The following MMP24 variants were observed in gnomAD, a reference collection of about 807,000 sequenced individuals.
The protein encoded by MMP24 is matrix metallopeptidase 24.
A neutral mutation model predicts 62.8 loss-of-function variants in MMP24; 25 were observed. The ratio of observed to expected loss-of-function variants is 0.40; its 90% CI spans 0.29 to 0.56. MMP24 has a LOEUF of 0.56. Ranked by LOEUF, MMP24 falls within the 20% of genes least tolerant of loss-of-function variation. MMP24 has a pLI of 0.50. For synonymous variants in MMP24, 319 were observed against 350.5 expected, an observed-to-expected ratio of 0.91 and a Z score of 1.00; for missense variants, 634 against 853.6, an observed-to-expected ratio of 0.74 and a Z score of 3.21.
Position 35,276,952 on chromosome 20 carries a change from T to C in MMP24, c.*2343T>C, listed in dbSNP as rs1482236139. Reference sequence around the variant, plus strand: ...AGTCACATTTTAAACTGATCAGCCTTTGTATAATGTTTTTTAAATCATTTC... The same window carrying C: ...AGTCACATTTTAAACTGATCAGCCTCTGTATAATGTTTTTTAAATCATTTC... On this transcript the variant is annotated 3_prime_UTR_variant, in exon 9 of 9. Coordinates refer to ENST00000246186, the MANE Select transcript of MMP24 (RefSeq NM_006690.4). The C allele has an allele frequency of 6.6e-6, 1 of 152,668 alleles. No homozygotes were observed. Among genetic ancestry groups the C allele is most frequent in the East Asian group, 1.9e-4 (1 of 5,200 alleles). The allele number at this position is 152,668 out of a possible 1,614,324, so 9.5% of individuals were successfully genotyped here.
rs1165576730 is a variant in MMP24 at position 35,226,927 on chromosome 20, AGCGGTG to A, written c.205_210del (p.Val69_Ala70del). ...CGGCGGCGGGGGCAGGGAACCGGGCAGCGGTGGCGGTGGCGGTGGCGCGGGCGGACG... is the reference window on the plus strand; with the variant it reads ...CGGCGGCGGGGGCAGGGAACCGGGCAGCGGTGGCGGTGGCGCGGGCGGACG... On this transcript the variant is annotated inframe_deletion, in exon 1 of 9. Transcript: ENST00000246186. 16 of 979,428 alleles carry A rather than the reference AGCGGTG, an allele frequency of 1.6e-5. No individual in the cohort carries two copies. Among genetic ancestry groups the A allele is most frequent in the Non-Finnish European group, 1.9e-5 (16 of 828,136 alleles). 60.7% of individuals were successfully genotyped at this position (979,428 alleles called of 1,614,324 possible).
rs1260346363 is a variant in MMP24 at position 35,269,045 on chromosome 20, G to C, written c.1195-715G>C. On this transcript the variant is annotated intron_variant, in intron 6 of 8. Transcript: ENST00000246186. This position sits in a 1 kb window ranked among gnomAD's most constrained non-coding sequence, Gnocchi z 4.6. ...CCATCTAAAAAAAAAAAAAAAGAAA[G>C]AAAACTGAGGCCTGGAGGCTACAGG... Among the ~76,000 whole-genome samples, 1 of 150,340 alleles carries C rather than the reference G, an allele frequency of 6.7e-6. No homozygotes were observed. The highest frequency in any genetic ancestry group is 2.4e-5 in the African/African-American group (1 of 40,892).
chr20:35,271,471 G>A lies in MMP24; in HGVS notation c.1334-98G>A. ...CTTCCCAACTCTAACTGGGCCAAGG[G>A]GCTGAGGGCATCAGACTGTTTTCAC... On this transcript the variant is annotated intron_variant, in intron 7 of 8. Transcript: ENST00000246186. The surrounding 1 kb of genome is among the most constrained non-coding windows in gnomAD (Gnocchi z 4.0). 1 of 1,449,102 alleles carries A rather than the reference G, an allele frequency of 6.9e-7. No homozygotes were observed. The highest frequency in any genetic ancestry group is 9.3e-7 in the Non-Finnish European group (1 of 1,074,984). The allele number at this position is 1,449,102 out of a possible 1,614,324, so 89.8% of individuals were successfully genotyped here. A position where few individuals can be genotyped will look rare whatever the true frequency, so the allele number is the denominator to read the frequency against.
rs1051066932 is a variant in MMP24 at position 35,272,437 on chromosome 20, T to C, written c.1600+602T>C. Among the ~76,000 whole-genome samples the C allele has an allele frequency of 3.9e-5, 6 of 152,256 alleles. No homozygotes were observed. The South Asian group carries it at 1.2e-3, about 32-fold the overall frequency. Reference sequence around the variant, plus strand: ...TTTTTTTGTAGCAACAGGGTTTCACTATGTTGGCCAGGCTGGTCTCAAACT... The same window carrying C: ...TTTTTTTGTAGCAACAGGGTTTCACCATGTTGGCCAGGCTGGTCTCAAACT... On this transcript the variant is annotated intron_variant, in intron 8 of 8. Transcript: ENST00000246186.
intron 4 of MMP24, among the ~76,000 whole-genome samples, chr20:35,260,692 A>G (rs1004953720): frequency 6.6e-6 from 1 of 152,250 alleles, no homozygotes; most frequent in Non-Finnish European, 1.5e-5. Context: ...ATGCCAGCAG[A>G]AGGCCAGCCC....
At chr20:35,247,096 T>A in intron 2 of MMP24, 108 bp downstream of exon 2, 1 of 1,362,342 alleles carries the variant, frequency 7.3e-7, no homozygotes, top group Non-Finnish European at 1.0e-6. Context: ...TTCCTATCTT[T>A]TATTCCTGCA....
intron 4 of MMP24, among the ~76,000 whole-genome samples, chr20:35,255,268 T>C (rs959017719): frequency 6.6e-6 from 1 of 151,756 alleles, no homozygotes; most frequent in African/African-American, 2.4e-5. Context: ...AAGGCAGAGG[T>C]TGCAGTGAGC....
At chr20:35,257,034 C>T (rs1035524517) in intron 4 of MMP24, among the ~76,000 whole-genome samples, 3 of 152,182 alleles carry the variant, frequency 2.0e-5, no homozygotes, top group Non-Finnish European at 4.4e-5. Context: ...TGCCCTGCGG[C>T]TGCTCCAGGC....
chr20:35,256,931 C>A (rs1247805756), intron 4 of MMP24, among the ~76,000 whole-genome samples: 1 of 152,082 alleles, frequency 6.6e-6, no homozygotes, highest in African/African-American at 2.4e-5. Context: ...AATGGGGGTT[C>A]TTGTTATAAA....
intron 2 of MMP24, among the ~76,000 whole-genome samples, chr20:35,251,695 C>T (rs955280811): frequency 1.3e-5 from 2 of 152,164 alleles, no homozygotes; most frequent in African/African-American, 4.8e-5. Context: ...AGTCTTTATA[C>T]AGCTATTTCC....
At chr20:35,265,706 CCT>C (rs568819041) in intron 5 of MMP24, among the ~76,000 whole-genome samples, 669 of 151,694 alleles carry the variant, frequency 4.4e-3, no homozygotes, top group Non-Finnish European at 6.3e-3. Context: ...AAGTGAGACC[CCT>C]GTCTCTACCC....
intron 4 of MMP24, 85 bp downstream of exon 4, chr20:35,254,839 G>C: frequency 2.8e-6 from 4 of 1,403,558 alleles, no homozygotes; most frequent in Non-Finnish European, 3.9e-6. Context: ...TGAGTTTCCT[G>C]CTTTCTAGAG....
intron 3 of MMP24, among the ~76,000 whole-genome samples, chr20:35,253,821 GA>G (rs905007457): frequency 4.7e-5 from 7 of 149,824 alleles, no homozygotes; most frequent in East Asian, 1.9e-4. Flanking sequence ...TCGTATTAGG[GA>G]AAAAAACTTA....
intron 4 of MMP24, among the ~76,000 whole-genome samples, chr20:35,258,295 A>G (rs541861154): frequency 6.6e-6 from 1 of 152,356 alleles, no homozygotes; most frequent in East Asian, 1.9e-4. Flanking sequence ...CAAGCCCAAC[A>G]AAATTAACAA....
chr20:35,237,415 C>G (rs2060469311), intron 1 of MMP24, among the ~76,000 whole-genome samples: 1 of 152,190 alleles, frequency 6.6e-6, no homozygotes, highest in Non-Finnish European at 1.5e-5. Context: ...GACTCAAACC[C>G]CCTGCCTTCC....
chr20:35,269,837 C>G lies in MMP24; in HGVS notation c.1272C>G (p.Gly424=). ...TGCAGATCGAGCAGTTCTGGAAGGG[C>G]CTGCCTGCCCGCATCGACGCAGCCT... The part of the protein sequence containing the change: ...YPMQIEQFWK[G]LPARIDAAYE... The change falls in exon 7 of 9, where the codon GGC becomes GGG. Residue 424 remains glycine, a synonymous_variant. Coordinates refer to ENST00000246186, the MANE Select transcript of MMP24 (RefSeq NM_006690.4). The surrounding 1 kb of genome is among the most constrained non-coding windows in gnomAD (Gnocchi z 4.6). 6.4e-7 allele frequency: 1 copy of G among 1,558,106 alleles called. No homozygotes were observed. The highest frequency in any genetic ancestry group is 1.2e-5 in the South Asian group (1 of 84,284).
intron 1 of MMP24, among the ~76,000 whole-genome samples, chr20:35,238,003 C>A (rs1030698052): frequency 6.6e-6 from 1 of 152,188 alleles, no homozygotes; most frequent in Non-Finnish European, 1.5e-5. Flanking sequence ...GAAGAATGAT[C>A]TTAGGCCACC....
At position 35,274,637 on chromosome 20, in the gene MMP24, G is replaced by A. The variant is rs766421861; in HGVS notation, c.*28G>A. 1.3e-6 allele frequency: 2 copies of A among 1,542,602 alleles called. No individual in the cohort carries two copies. Among genetic ancestry groups the A allele is most frequent in the Non-Finnish European group, 1.8e-6 (2 of 1,139,386 alleles). On this transcript the variant is annotated 3_prime_UTR_variant, in exon 9 of 9. Coordinates refer to ENST00000246186, the MANE Select transcript of MMP24 (RefSeq NM_006690.4). This position sits in a 1 kb window ranked among gnomAD's most constrained non-coding sequence, Gnocchi z 5.1. ...AGCCCAGAGCCCTCTCTATCCACTT[G>A]GTCTGGCCAGCCAGGCCCTTCCTCA...
chr20:35,270,658 G>A lies in MMP24; in HGVS notation c.1333+760G>A, dbSNP rs140726058. 9.8e-5 allele frequency among the ~76,000 whole-genome samples: 15 copies of A among 152,352 alleles called. No homozygotes were observed. In the East Asian group the frequency reaches 2.1e-3, roughly 22 times the overall value. On this transcript the variant is annotated intron_variant, in intron 7 of 8. Transcript: ENST00000246186. Reference sequence around the variant, plus strand: ...GCCATTTCTGAGGTGGTTCTGGAGCGCGCCACTCATGAGGCCCAAATGAGG... The same window carrying A: ...GCCATTTCTGAGGTGGTTCTGGAGCACGCCACTCATGAGGCCCAAATGAGG...
Sources: gnomAD v4.1 joint callset for allele counts (sites outside exome capture counted in the v4.1 genomes callset) on GRCh38, gnomAD v4.1.1 for gene constraint, Gnocchi (gnomAD v3.1) non-coding constraint, MANE v1.5 for transcripts, NCBI Gene and HGNC (gene_info 2026-07-23, HGNC 2026-07-21) for gene names.